Variants in VRK2 observed in about 807,000 individuals in gnomAD.
VRK2 encodes serine/threonine-protein kinase VRK2.
Under a neutral mutation model 57.6 loss-of-function variants are expected in VRK2, and 60 were observed. The ratio of observed to expected loss-of-function variants is 1.04; its 90% CI spans 0.85 to 1.29. VRK2 has a LOEUF of 1.29. Ranked by LOEUF, VRK2 falls within the 50% of genes most tolerant of loss-of-function variation. The pLI is 0.00. For missense variants in VRK2, 705 were observed against 588.1 expected (o/e 1.20, Z -2.06); for synonymous variants, 231 against 199.2 (o/e 1.16, Z -1.35).
At chr2:58,101,050 C>A in intron 7 of VRK2, among the ~76,000 whole-genome samples, 1 of 151,422 alleles carries the variant, frequency 6.6e-6, no homozygotes, top group East Asian at 1.9e-4. Flanking sequence ...ATATGGGCTA[C>A]TAGAGTCTTA....
rs11452161 is a variant in VRK2, at chr2:57,986,596, A to ATTT, written c.-438-39051_-438-39049dup. ...GACCCACTAATACATAGTTCAATCG[A>ATTT]TTTTTTTTTTTTTTTTTTTTGAGAT... On this transcript the variant is annotated intron_variant, in intron 1 of 15. Coordinates refer to the VRK2 transcript ENST00000417641. Among the ~76,000 whole-genome samples, 109 of 124,528 alleles carry ATTT rather than the reference A, an allele frequency of 8.8e-4. 2 individuals are homozygous for ATTT. The highest frequency in any genetic ancestry group is 2.7e-3 in the African/African-American group (90 of 33,716). The allele number at this position is 124,528 out of a possible 152,430, so 81.7% of individuals were successfully genotyped here. A position where few individuals can be genotyped will look rare whatever the true frequency, so the allele number is the denominator to read the frequency against.
chr2:58,101,323 A>G (rs192859442), intron 7 of VRK2, among the ~76,000 whole-genome samples: 99 of 151,806 alleles, frequency 6.5e-4, no homozygotes, highest in African/African-American at 2.0e-3. Flanking sequence ...TAAATTTTTT[A>G]TCTATTTTAG....
At chr2:58,034,655 C>T (rs989192994) in intron 3 of VRK2, among the ~76,000 whole-genome samples, 4 of 151,956 alleles carry the variant, frequency 2.6e-5, no homozygotes, top group Non-Finnish European at 1.5e-5. Flanking sequence ...TCCATCTTAC[C>T]CTCTGTTCCA....
At chr2:57,994,714 A>T (rs1013748203) in intron 1 of VRK2, among the ~76,000 whole-genome samples, 5 of 152,100 alleles carry the variant, frequency 3.3e-5, no homozygotes, top group Admixed American at 2.0e-4. Flanking sequence ...TATATGGATT[A>T]TATCTTTCAA....
At chr2:58,082,890 T>G (rs944044607) in intron 2 of VRK2, among the ~76,000 whole-genome samples, 4 of 151,814 alleles carry the variant, frequency 2.6e-5, no homozygotes, top group Non-Finnish European at 5.9e-5. Flanking sequence ...AAAAATTGTG[T>G]ATGATTGGCT....
rs374696396 is a variant in VRK2 at position 58,048,814 on chromosome 2, C to G, written c.-5-13C>G. The G allele has an allele frequency of 6.2e-7, 1 of 1,612,306 alleles. No homozygotes were observed. The highest frequency in any genetic ancestry group is 1.3e-5 in the African/African-American group (1 of 74,878). On this transcript the variant is annotated splice_polypyrimidine_tract_variant and intron_variant, in intron 1 of 12. Coordinates refer to ENST00000340157, the MANE Select transcript of VRK2 (RefSeq NM_006296.7). ...TTCTTTTTACCCATTTATCTCACCC[C>G]TTCTGCCAACAGAAGTGATGCCACC...
intron 7 of VRK2, among the ~76,000 whole-genome samples, chr2:58,096,080 T>C (rs1047105931): frequency 2.0e-5 from 3 of 152,118 alleles, no homozygotes; most frequent in East Asian, 1.9e-4. Flanking sequence ...TATTTTAATA[T>C]GGTATAATAT....
chr2:58,047,052 T>TC (rs1233158812), intron 1 of VRK2, 184 bp downstream of exon 1: 6 of 893,708 alleles, frequency 6.7e-6, no homozygotes, highest in South Asian at 5.1e-5. Context: ...GGTTCTTTTT[T>TC]CCCCGCTGGG....
chr2:58,019,534 T>C (rs1673686661), intron 1 of VRK2, among the ~76,000 whole-genome samples: 1 of 152,242 alleles, frequency 6.6e-6, no homozygotes. Context: ...GATCCATCTT[T>C]GATTTTCAAA....
At chr2:57,984,898 C>A (rs989938303) in intron 1 of VRK2, among the ~76,000 whole-genome samples, 1 of 151,634 alleles carries the variant, frequency 6.6e-6, no homozygotes, top group Admixed American at 6.6e-5. Flanking sequence ...TTAGCAAAAG[C>A]AAGCTGGAAG....
rs1446827850 is a variant in VRK2 at position 58,114,703 on chromosome 2, G to A, written c.544-8398G>A. Among the ~76,000 whole-genome samples, 1,386 of 147,396 alleles carry A rather than the reference G, an allele frequency of 9.4e-3. 18 individuals carry two copies. The highest frequency in any genetic ancestry group is 0.034 in the African/African-American group (1,269 of 36,942). On this transcript the variant is annotated intron_variant, in intron 7 of 12. Transcript: ENST00000340157. ...GGATATAAAGGTTTCACTGAATACT[G>A]AGAGCCTGAAAAACTGCTTGGCTGA...
At chr2:58,089,815 A>G in intron 7 of VRK2, 92 bp downstream of exon 7, 1 of 820,220 alleles carries the variant, frequency 1.2e-6, no homozygotes, top group East Asian at 2.5e-5. Context: ...GAGTTTACAA[A>G]TGAGGGCGTA....
chr2:58,005,425 G>A (rs570720037), intron 1 of VRK2, among the ~76,000 whole-genome samples: 1 of 152,012 alleles, frequency 6.6e-6, no homozygotes, highest in South Asian at 2.1e-4. Flanking sequence ...CTTGCTTTTT[G>A]ATACAGTTGT....
At chr2:58,084,538 T>C (rs563843760) in intron 3 of VRK2, among the ~76,000 whole-genome samples, 1 of 152,022 alleles carries the variant, frequency 6.6e-6, no homozygotes, top group Non-Finnish European at 1.5e-5. Context: ...GAGAGTTTGC[T>C]GTGTATCACC....
intron 4 of VRK2, 110 bp downstream of exon 4, chr2:58,085,060 T>C: frequency 1.0e-6 from 1 of 997,498 alleles, no homozygotes; most frequent in South Asian, 1.8e-5. Context: ...AATAGAAATT[T>C]TATTGTAAAG....
rs114766357 is a variant in VRK2 at position 58,009,931 on chromosome 2, T to C, written c.-438-15734T>C. 9.6e-3 allele frequency among the ~76,000 whole-genome samples: 1,459 copies of C among 152,174 alleles called. 8 individuals carry two copies. The highest frequency in any genetic ancestry group is 0.014 in the Non-Finnish European group (975 of 67,992). On this transcript the variant is annotated intron_variant, in intron 1 of 15. Transcript: ENST00000417641. ...GTTGTAAATTGACAGGGTGAGTGTA[T>C]ATTCCAGTGTCCAATACTTAATGTC...
intron 10 of VRK2, among the ~76,000 whole-genome samples, chr2:58,137,164 A>ATCATATATATCATATATGAT (rs1680394728): frequency 2.3e-4 from 1 of 4,272 alleles, no homozygotes. Flanking sequence ...GTTTATATAT[A>ATCATATATATCATATATGAT]TCATATATCA....
intron 1 of VRK2, among the ~76,000 whole-genome samples, chr2:57,988,041 G>A (rs74888656): frequency 0.077 from 11,738 of 152,174 alleles, 544 homozygotes; most frequent in African/African-American, 0.12. Flanking sequence ...TGGGAAATTT[G>A]TGGGAGTGTT....
At chr2:58,080,070 C>A (rs1442822586) in intron 2 of VRK2, among the ~76,000 whole-genome samples, 2 of 151,930 alleles carry the variant, frequency 1.3e-5, no homozygotes, top group Non-Finnish European at 2.9e-5. Context: ...GTGCTTGGAA[C>A]ACATCTGAAT....
Sources: allele counts gnomAD v4.1 joint callset (sites outside exome capture counted in the v4.1 genomes callset), GRCh38; gene constraint gnomAD v4.1.1; transcripts MANE v1.5; gene names NCBI Gene and HGNC (gene_info 2026-07-23, HGNC 2026-07-21).